The following PNPLA6 variants were observed in gnomAD, a reference collection of about 807,000 sequenced individuals.
PNPLA6 encodes the protein patatin like domain 6, lysophospholipase.
In PNPLA6, 105 loss-of-function variants were observed where a neutral mutation model predicts 153.7. The observed-to-expected ratio is 0.68, with a 90% CI of 0.58 to 0.80. The LOEUF (loss-of-function observed/expected upper bound fraction) is 0.80. Among genes scored for constraint, PNPLA6 ranks in the 30% least tolerant of loss-of-function variants. The probability of loss-of-function intolerance (pLI) is 0.00; values close to 1 mark genes in which losing one functional copy is unlikely to be tolerated. For synonymous variants in PNPLA6, 825 were observed against 822.2 expected, an observed-to-expected ratio of 1.00 and a Z score of -0.06; for missense variants, 1,423 against 1,919.3, an observed-to-expected ratio of 0.74 and a Z score of 4.83.
rs568324610 is a variant in PNPLA6, at chr19:7,539,413, A to G, written c.414-505A>G. On this transcript the variant is annotated intron_variant, in intron 3 of 31. Coordinates refer to ENST00000600737, the MANE Select transcript of PNPLA6 (RefSeq NM_001166114.2). ...AGAATCGCTTTAGCCTGGGAGGTGG[A>G]GGTTGCAGTGGGCCGAGATTTCGCC... Among the ~76,000 whole-genome samples, 5 of 151,496 alleles carry G rather than the reference A, an allele frequency of 3.3e-5. No homozygotes were observed. In the East Asian group the frequency reaches 9.7e-4, roughly 29 times the overall value.
At position 7,540,920 on chromosome 19, in the gene PNPLA6, C is replaced by A; in HGVS notation, c.796-3C>A. 3.7e-6 allele frequency: 6 copies of A among 1,613,036 alleles called. No homozygotes were observed. The highest frequency in any genetic ancestry group is 5.1e-6 in the Non-Finnish European group (6 of 1,179,924). ...TCTCTCTTCACGCCCTCCCCTCCCC[C>A]AGGGTCACCAGCATCCCCAGCGGAC... On this transcript the variant is annotated splice_region_variant and splice_polypyrimidine_tract_variant and intron_variant, in intron 6 of 31. Coordinates refer to ENST00000600737, the MANE Select transcript of PNPLA6 (RefSeq NM_001166114.2). This position sits in a 1 kb window ranked among gnomAD's most constrained non-coding sequence, Gnocchi z 6.8.
At position 7,555,042 on chromosome 19, in the gene PNPLA6, C is replaced by T. The variant is rs1487981236; in HGVS notation, c.2784C>T (p.Arg928=). The stretch of plus-strand genomic sequence containing the variant: ...GGCACCTGCACCTGCGCTGTCCGCG[C>T]CGCCTCTTTTCGCGCCGCAGCCCTG... ...CSGHLHLRCP[R]RLFSRRSPAK... The change falls in exon 22 of 32, where the codon CGC becomes CGT. Residue 928 remains arginine, a synonymous_variant. Coordinates refer to ENST00000600737, the MANE Select transcript of PNPLA6 (RefSeq NM_001166114.2). The surrounding 1 kb of genome is among the most constrained non-coding windows in gnomAD (Gnocchi z 6.3). 1 of 1,593,674 alleles carries T rather than the reference C, an allele frequency of 6.3e-7. No individual in the cohort carries two copies. Among genetic ancestry groups the T allele is most frequent in the South Asian group, 1.1e-5 (1 of 90,320 alleles).
chr19:7,558,795 A>G (rs896305717), intron 27 of PNPLA6, 55 bp from the exon 28 acceptor site: 6 of 1,358,880 alleles, frequency 4.4e-6, no homozygotes, highest in Middle Eastern at 2.2e-4. Flanking sequence ...TGGGTTGAAC[A>G]TCTCTGCCCC....
intron 31 of PNPLA6, 36 bp from the exon 32 acceptor site, chr19:7,561,452 C>T (rs373290568): frequency 2.4e-5 from 38 of 1,559,004 alleles, no homozygotes; most frequent in Admixed American, 3.5e-5. Context: ...ATCAGTGTCC[C>T]GTGCTGGGTG....
chr19:7,543,242 C>T (rs1009629651), intron 13 of PNPLA6, among the ~76,000 whole-genome samples, 158 bp downstream of exon 13: 4 of 152,188 alleles, frequency 2.6e-5, no homozygotes. Context: ...CCCTTGGGTC[C>T]TGTGACCCCC....
In PNPLA6 at chr19:7,550,431, T is replaced by A. The variant is rs774029027; in HGVS notation, c.1946+2T>A. ...GGAGGCGGGACGCGCGCTGTACAGG[T>A]GCAGCTCCCACCGCGCTGCTCAGGC... On this transcript the variant is annotated splice_donor_variant, in intron 15 of 31. Coordinates refer to ENST00000600737, the MANE Select transcript of PNPLA6 (RefSeq NM_001166114.2). LOFTEE classifies it high-confidence loss of function. The A allele has an allele frequency of 6.2e-7, 1 of 1,611,364 alleles. No individual in the cohort carries two copies. Among genetic ancestry groups the A allele is most frequent in the Non-Finnish European group, 8.5e-7 (1 of 1,179,774 alleles).
At chr19:7,560,539 G>T in intron 28 of PNPLA6, 109 bp from the exon 29 acceptor site, 1 of 797,854 alleles carries the variant, frequency 1.3e-6, no homozygotes, top group Non-Finnish European at 2.2e-6. Flanking sequence ...AGTCTCAAAT[G>T]CAACTCCCCC....
rs2023146866 is a variant in PNPLA6 at position 7,541,645 on chromosome 19, C to A, written c.1129C>A (p.Pro377Thr). The change falls in exon 9 of 32, where the codon CCA (proline) becomes ACA (threonine). Residue 377 changes from proline to threonine, a missense_variant. Around this residue, in one of 10 missense-constraint regions of PNPLA6, gnomAD observed 267 missense variants for 255.1 expected, o/e 1.05. Coordinates refer to ENST00000600737, the MANE Select transcript of PNPLA6 (RefSeq NM_001166114.2). The surrounding 1 kb of genome is among the most constrained non-coding windows in gnomAD (Gnocchi z 5.2). The part of the protein sequence containing the change: ...TDEPRETPGR[P>T]PDPTGAPLPG... ...CGAGCCCAGGGAGACCCCAGGGCGGCCACCCGATCCCACCGGGGCCCCGCT... is the reference window on the plus strand; with the variant it reads ...CGAGCCCAGGGAGACCCCAGGGCGGACACCCGATCCCACCGGGGCCCCGCT... The A allele has an allele frequency of 2.5e-6, 4 of 1,580,764 alleles. No individual in the cohort carries two copies. The highest frequency in any genetic ancestry group is 3.4e-6 in the Non-Finnish European group (4 of 1,164,636).
chr19:7,551,130 CAG>C (rs912126332), intron 17 of PNPLA6, 23 bp downstream of exon 17: 10 of 1,324,266 alleles, frequency 7.6e-6, no homozygotes, highest in African/African-American at 1.5e-5. Flanking sequence ...GTGGGCGGGG[CAG>C]AGAGGCGGAG....
intron 13 of PNPLA6, among the ~76,000 whole-genome samples, chr19:7,548,405 C>CAA (rs111556976): frequency 2.8e-5 from 4 of 145,234 alleles, no homozygotes; most frequent in African/African-American, 7.7e-5. Flanking sequence ...AAAAAAATCG[C>CAA]AAAAAAAAAA....
In PNPLA6 at chr19:7,540,686, T is replaced by C. The variant is rs773850616; in HGVS notation, c.771T>C (p.Leu257=). Residue 257 remains leucine, a synonymous_variant, in exon 6 of 32, where the codon CTT becomes CTC. Coordinates refer to ENST00000600737, the MANE Select transcript of PNPLA6 (RefSeq NM_001166114.2). This position sits in a 1 kb window ranked among gnomAD's most constrained non-coding sequence, Gnocchi z 6.8. The stretch of plus-strand genomic sequence containing the variant: ...TTCCTGGGGACAGCGTCAACAGCCT[T>C]CTCAGCATCCTGGATGTCATCACCG... ...EVVPGDSVNS[L]LSILDVITGH... 8.1e-6 allele frequency: 13 copies of C among 1,613,672 alleles called. No homozygotes were observed. In the South Asian group the frequency reaches 1.4e-4, roughly 18 times the overall value.
intron 13 of PNPLA6, among the ~76,000 whole-genome samples, chr19:7,546,048 G>A (rs56925352): frequency 0.031 from 4,771 of 152,124 alleles, 266 homozygotes; most frequent in African/African-American, 0.11. Context: ...GTGTCACAAA[G>A]GAAATGATCT....
intron 24 of PNPLA6, 106 bp from the exon 25 acceptor site, chr19:7,556,347 C>A: frequency 1.3e-6 from 1 of 789,410 alleles, no homozygotes; most frequent in Admixed American, 1.7e-5. Flanking sequence ...CCAGTGTGAG[C>A]CGCTGCACCT....
intron 27 of PNPLA6, chr19:7,557,506 A>G (rs1215932362): frequency 5.1e-6 from 3 of 593,128 alleles, no homozygotes; most frequent in Non-Finnish European, 9.4e-6. Flanking sequence ...CATTCTGGCC[A>G]GGCGCGGTGG....
Position 7,559,263 on chromosome 19 carries a change from A to G in PNPLA6, c.3699+112A>G, listed in dbSNP as rs985451292. ...AATCCAGGAGGAATCCAGGAATCCCATCTGGAATCTCTGGAAAACAGATCA... is the reference window on the plus strand; with the variant it reads ...AATCCAGGAGGAATCCAGGAATCCCGTCTGGAATCTCTGGAAAACAGATCA... On this transcript the variant is annotated intron_variant, in intron 28 of 31. Coordinates refer to ENST00000600737, the MANE Select transcript of PNPLA6 (RefSeq NM_001166114.2). 30 of 902,532 alleles carry G rather than the reference A, an allele frequency of 3.3e-5. No individual in the cohort carries two copies. In the Admixed American group the frequency reaches 3.8e-4, roughly 12 times the overall value. 55.9% of individuals were successfully genotyped at this position (902,532 alleles called of 1,614,324 possible).
Position 7,540,675 on chromosome 19 carries a change from G to A in PNPLA6, c.760G>A (p.Val254Ile), listed in dbSNP as rs587777184. ...VVKEVVPGDS[V>I]NSLLSILDVI... Reference sequence around the variant, plus strand: ...GAAGGAAGTGGTTCCTGGGGACAGCGTCAACAGCCTTCTCAGCATCCTGGA... The same window carrying A: ...GAAGGAAGTGGTTCCTGGGGACAGCATCAACAGCCTTCTCAGCATCCTGGA... The change falls in exon 6 of 32, where the codon GTC becomes ATC. Residue 254 changes from valine (V) to isoleucine (I), a missense_variant. This residue lies in a region of PNPLA6 where 118 missense variants were observed against 158.8 expected (regional missense o/e 0.74). Transcript: ENST00000600737. This position sits in a 1 kb window ranked among gnomAD's most constrained non-coding sequence, Gnocchi z 6.8. 6 of 1,613,916 alleles carry A rather than the reference G, an allele frequency of 3.7e-6. No homozygotes were observed. Among genetic ancestry groups the A allele is most frequent in the Non-Finnish European group, 5.1e-6 (6 of 1,179,830 alleles).
intron 29 of PNPLA6, 81 bp from the exon 30 acceptor site, chr19:7,560,933 C>A (rs2024071725): frequency 6.7e-6 from 6 of 891,562 alleles, no homozygotes; most frequent in Non-Finnish European, 1.1e-5. Flanking sequence ...TCCTCTGAGC[C>A]CCCAATGCAC....
At chr19:7,554,766 G>C in intron 21 of PNPLA6, 43 bp downstream of exon 21, 5 of 1,602,730 alleles carry the variant, frequency 3.1e-6, no homozygotes, top group Non-Finnish European at 4.2e-6. Context: ...CTCGGGTCCC[G>C]TCCTTTGCCC....
At position 7,539,915 on chromosome 19, in the gene PNPLA6, C is replaced by G. The variant is rs1312058418; in HGVS notation, c.414-3C>G. 2.6e-6 allele frequency: 4 copies of G among 1,543,100 alleles called. No individual in the cohort carries two copies. The East Asian group carries it at 7.3e-5, about 28-fold the overall frequency. ...ACCCCCGGCACCCCTCCCCTCCCAC[C>G]AGGATCCTGCGCATCCAGAAAGAGA... is the stretch of plus-strand genomic sequence containing the variant. On this transcript the variant is annotated splice_polypyrimidine_tract_variant and splice_region_variant and intron_variant, in intron 3 of 31. Transcript: ENST00000600737.
Sources: gnomAD v4.1 joint callset for allele counts (sites outside exome capture counted in the v4.1 genomes callset) on GRCh38, gnomAD v4.1.1 for gene constraint, gnomAD v4.1.1 regional missense constraint, Gnocchi (gnomAD v3.1) non-coding constraint, MANE v1.5 for transcripts, NCBI Gene and HGNC (gene_info 2026-07-23, HGNC 2026-07-21) for gene names.